FRMPD4: variants seen among roughly 807,000 people sequenced by gnomAD.
FRMPD4 encodes the protein FERM and PDZ domain containing 4.
A neutral mutation model predicts 94.1 loss-of-function variants in FRMPD4; 22 were observed. The ratio of observed to expected loss-of-function variants is 0.23; its 90% CI spans 0.17 to 0.33. The LOEUF (loss-of-function observed/expected upper bound fraction) is 0.33. FRMPD4 is among the 10% of genes least tolerant of loss of function. The pLI, the probability that FRMPD4 is intolerant of heterozygous loss-of-function variation, is 1.00. For missense variants in FRMPD4, 1,111 were observed against 1,339.9 expected (o/e 0.83, Z 2.67); for synonymous variants, 631 against 548.6 (o/e 1.15, Z -2.10).
At chrX:12,559,375 C>T (rs764744321) in intron 2 of FRMPD4, among the ~76,000 whole-genome samples, 14 of 111,898 alleles carry the variant, frequency 1.3e-4, no homozygotes, top group Non-Finnish European at 2.4e-4. Flanking sequence ...TGGGGCCAGG[C>T]GTGGTGGCTC....
At chrX:11,984,766 G>A (rs189256542) in intron 3 of FRMPD4, among the ~76,000 whole-genome samples, 7 of 112,112 alleles carry the variant, frequency 6.2e-5, no homozygotes, top group Admixed American at 9.4e-5. Flanking sequence ...CCTACAGAAC[G>A]TGAGAAAATA....
intron 1 of FRMPD4, among the ~76,000 whole-genome samples, chrX:12,487,319 G>C (rs975314001): frequency 8.9e-6 from 1 of 112,075 alleles, no homozygotes; most frequent in Admixed American, 9.5e-5. Flanking sequence ...TCATAAAATT[G>C]TGCTCAATAA....
intron 3 of FRMPD4, among the ~76,000 whole-genome samples, chrX:11,956,210 C>A (rs1430301093): frequency 8.9e-6 from 1 of 111,739 alleles, no homozygotes; most frequent in Non-Finnish European, 1.9e-5. Context: ...CAAAATAGAG[C>A]CATCCTCAAG....
At chrX:12,591,965 C>T (rs903334820) in intron 2 of FRMPD4, among the ~76,000 whole-genome samples, 22 of 111,414 alleles carry the variant, frequency 2.0e-4, no homozygotes, top group Non-Finnish European at 3.0e-4. Context: ...CTTTCTGTCC[C>T]GAAGAGAGTC....
intron 1 of FRMPD4, among the ~76,000 whole-genome samples, chrX:12,237,975 T>C (rs1185351656): frequency 8.9e-6 from 1 of 111,828 alleles, no homozygotes; most frequent in East Asian, 2.8e-4. Context: ...TAAATAAAGT[T>C]TTATTGGTTC....
chrX:12,216,343 C>G (rs1488896981), intron 1 of FRMPD4, among the ~76,000 whole-genome samples: 5 of 111,493 alleles, frequency 4.5e-5, no homozygotes, highest in Non-Finnish European at 9.4e-5. Flanking sequence ...AACATAGGGT[C>G]TGGGTTCCCA....
intron 14 of FRMPD4, among the ~76,000 whole-genome samples, chrX:12,715,403 T>C (rs1337184598): frequency 8.9e-6 from 1 of 111,937 alleles, no homozygotes; most frequent in African/African-American, 3.2e-5. Flanking sequence ...TGCCACCTTA[T>C]GCATTTTATA....
intron 2 of FRMPD4, among the ~76,000 whole-genome samples, chrX:12,563,602 G>C (rs1187232322): frequency 8.9e-6 from 1 of 111,989 alleles, no homozygotes; most frequent in Admixed American, 9.4e-5. Flanking sequence ...CTATTCAGTT[G>C]CCTATTAACC....
At chrX:11,930,456 GAGA>G (rs751340237) in intron 3 of FRMPD4, among the ~76,000 whole-genome samples, 7 of 101,810 alleles carry the variant, frequency 6.9e-5, no homozygotes, top group Admixed American at 5.4e-4. Flanking sequence ...CATACACACA[GAGA>G]AGGTGGTCAT....
intron 1 of FRMPD4, among the ~76,000 whole-genome samples, chrX:12,231,541 A>G (rs1194383847): frequency 9.0e-6 from 1 of 111,108 alleles, no homozygotes; most frequent in East Asian, 2.8e-4. Flanking sequence ...AGCCCTTACA[A>G]CCAAAAGTTA....
chrX:12,710,656 C>G, intron 14 of FRMPD4, 119 bp downstream of exon 14: 1 of 658,236 alleles, frequency 1.5e-6, no homozygotes, highest in Non-Finnish European at 2.3e-6. Flanking sequence ...GCCTGTAATC[C>G]TGGCACTTTG....
intron 1 of FRMPD4, among the ~76,000 whole-genome samples, chrX:12,283,085 G>T (rs1430149559): frequency 2.7e-5 from 3 of 112,774 alleles, no homozygotes; most frequent in Non-Finnish European, 3.7e-5. Context: ...GCTTGTTTCA[G>T]ATCATTGGCT....
chrX:12,433,835 T>C (rs1211408386), intron 1 of FRMPD4, among the ~76,000 whole-genome samples: 1 of 111,951 alleles, frequency 8.9e-6, no homozygotes, highest in Non-Finnish European at 1.9e-5. Flanking sequence ...TTAGTTAGCC[T>C]GAAAAAAAAT....
intron 1 of FRMPD4, among the ~76,000 whole-genome samples, chrX:12,438,877 T>C (rs1224677495): frequency 9.0e-6 from 1 of 110,951 alleles, no homozygotes; most frequent in Non-Finnish European, 1.9e-5. Flanking sequence ...AACTATGATT[T>C]CCATTTTATG....
intron 3 of FRMPD4, among the ~76,000 whole-genome samples, chrX:12,044,560 G>A (rs778922599): frequency 5.1e-4 from 57 of 111,898 alleles, no homozygotes; most frequent in Non-Finnish European, 8.1e-4. Flanking sequence ...GACAGTTCAA[G>A]GGAGGCATCT....
At chrX:12,371,974 A>G (rs2056169055) in intron 1 of FRMPD4, among the ~76,000 whole-genome samples, 1 of 112,156 alleles carries the variant, frequency 8.9e-6, no homozygotes, top group African/African-American at 3.2e-5. Flanking sequence ...ATACCAAAAA[A>G]ATTGTTTCTC....
chrX:11,959,257 T>C (rs983840036), intron 3 of FRMPD4, among the ~76,000 whole-genome samples: 3 of 111,933 alleles, frequency 2.7e-5, no homozygotes, highest in African/African-American at 9.8e-5. Context: ...GACTGGGAAG[T>C]GTAGCCTCTG....
intron 1 of FRMPD4, among the ~76,000 whole-genome samples, chrX:12,145,478 G>A (rs2055751506): frequency 8.9e-6 from 1 of 112,892 alleles, no homozygotes; most frequent in Admixed American, 9.3e-5. Context: ...TAGTTTTGGT[G>A]TAAATCCCAA....
chrX:12,547,011 T>TAAAAA (rs57946725), intron 2 of FRMPD4, among the ~76,000 whole-genome samples: 22 of 33,769 alleles, frequency 6.5e-4, no homozygotes, highest in Middle Eastern at 0.033. Flanking sequence ...ACTGTCTCTT[T>TAAAAA]AAAAAAAAAA....
Sources: gnomAD v4.1 joint callset for allele counts (sites outside exome capture counted in the v4.1 genomes callset) on GRCh38, gnomAD v4.1.1 for gene constraint, MANE v1.5 for transcripts, NCBI Gene and HGNC (gene_info 2026-07-23, HGNC 2026-07-21) for gene names.